The following TRPM3 variants were observed in gnomAD, a reference collection of about 807,000 sequenced individuals.
The protein encoded by TRPM3 is transient receptor potential cation channel subfamily M member 3.
In TRPM3, 77 loss-of-function variants were observed where a neutral mutation model predicts 181.2. That is an observed-to-expected ratio of 0.42 (90% CI 0.35 to 0.51). The LOEUF (loss-of-function observed/expected upper bound fraction) is 0.51, where lower values mean the gene tolerates loss of function less well. Ranked by LOEUF, TRPM3 falls within the 20% of genes least tolerant of loss-of-function variation. The pLI, the probability that TRPM3 is intolerant of heterozygous loss-of-function variation, is 0.01. For missense variants in TRPM3, 1,759 were observed against 2,196.7 expected (o/e 0.80, Z 3.98); for synonymous variants, 745 against 796.4 (o/e 0.94, Z 1.09).
rs564568854 is a variant in TRPM3 at position 71,186,143 on chromosome 9, T to C, written c.183+260510A>G. 1.6e-4 allele frequency among the ~76,000 whole-genome samples: 24 copies of C among 152,106 alleles called. 1 individual carries two copies. In the South Asian group the frequency reaches 3.1e-3, roughly 20 times the overall value. Reference sequence around the variant, plus strand: ...CTCTCAACCTTCACAGGACCATCTTTTTATAAGGATGCCAATCAGATTAGA... The same window carrying C: ...CTCTCAACCTTCACAGGACCATCTTCTTATAAGGATGCCAATCAGATTAGA... On this transcript the variant is annotated intron_variant, in intron 1 of 24. Transcript: ENST00000357533.
intron 7 of TRPM3, among the ~76,000 whole-genome samples, chr9:70,778,295 G>C (rs1210698980): frequency 6.6e-6 from 1 of 152,106 alleles, no homozygotes; most frequent in Admixed American, 6.6e-5. Context: ...TACCCTCTGT[G>C]CTCTTGTGAC....
chr9:71,002,442 T>C (rs2097616468), intron 1 of TRPM3, among the ~76,000 whole-genome samples: 1 of 152,246 alleles, frequency 6.6e-6, no homozygotes, highest in South Asian at 2.1e-4. Flanking sequence ...CTGAGAGTTC[T>C]CAGAAGAAAT....
intron 1 of TRPM3, among the ~76,000 whole-genome samples, chr9:71,010,631 T>C (rs1160465267): frequency 6.6e-6 from 1 of 151,896 alleles, no homozygotes; most frequent in African/African-American, 2.4e-5. Context: ...TAATAACAAA[T>C]GCTAGGGAGA....
intron 5 of TRPM3, among the ~76,000 whole-genome samples, chr9:70,838,245 C>T (rs1383360996): frequency 6.6e-6 from 1 of 152,086 alleles, no homozygotes; most frequent in Non-Finnish European, 1.5e-5. Flanking sequence ...GTACAATGGA[C>T]TGAATGTTTA....
At chr9:70,592,662 A>G (rs1261525106) in intron 21 of TRPM3, among the ~76,000 whole-genome samples, 2 of 152,244 alleles carry the variant, frequency 1.3e-5, no homozygotes, top group African/African-American at 4.8e-5. Context: ...CATCCACAAA[A>G]AAAAGCCTAA....
At chr9:70,872,328 A>T (rs2095802482) in intron 1 of TRPM3, among the ~76,000 whole-genome samples, 1 of 151,896 alleles carries the variant, frequency 6.6e-6, no homozygotes, top group Non-Finnish European at 1.5e-5. Flanking sequence ...AGCAGGAAGG[A>T]GTAGTAGTGG....
At chr9:70,809,965 C>T (rs753581602) in intron 6 of TRPM3, 11 of 534,476 alleles carry the variant, frequency 2.1e-5, no homozygotes, top group African/African-American at 1.7e-4. Context: ...GTGCAATGAT[C>T]AAAAAAGATG....
At chr9:70,559,296 G>C (rs1037958020) in intron 22 of TRPM3, among the ~76,000 whole-genome samples, 2 of 152,180 alleles carry the variant, frequency 1.3e-5, no homozygotes, top group African/African-American at 4.8e-5. Flanking sequence ...GTGAGTTACA[G>C]CTCCTCTATT....
At chr9:71,401,847 G>A (rs764675349) in intron 1 of TRPM3, among the ~76,000 whole-genome samples, 17 of 152,108 alleles carry the variant, frequency 1.1e-4, no homozygotes, top group Non-Finnish European at 1.8e-4. Flanking sequence ...ATTTGACTAC[G>A]GACTACTCAA....
At chr9:70,868,249 T>C (rs545743262) in intron 1 of TRPM3, among the ~76,000 whole-genome samples, 2 of 152,120 alleles carry the variant, frequency 1.3e-5, no homozygotes, top group Admixed American at 6.6e-5. Flanking sequence ...TTATCAGTCA[T>C]GTGTGATGTG....
chr9:71,005,075 C>G (rs778617267), intron 1 of TRPM3, among the ~76,000 whole-genome samples: 18 of 152,054 alleles, frequency 1.2e-4, no homozygotes, highest in Non-Finnish European at 2.2e-4. Flanking sequence ...AAAATAATGG[C>G]TGAAAATTCA....
chr9:71,039,062 A>G (rs1276555297), intron 1 of TRPM3, among the ~76,000 whole-genome samples: 1 of 152,198 alleles, frequency 6.6e-6, no homozygotes, highest in Non-Finnish European at 1.5e-5. Flanking sequence ...GTATCTTGCT[A>G]AGACAATGTT....
At position 71,162,823 on chromosome 9, in the gene TRPM3, T is replaced by A. The variant is rs183872498; in HGVS notation, c.183+283830A>T. ...GTAAACAGATTATTCCAGAAAAGTA[T>A]GGTAAGCATTAAGGTAGAGATGTGC... On this transcript the variant is annotated intron_variant, in intron 1 of 24. Transcript: ENST00000357533. 1.1e-3 allele frequency among the ~76,000 whole-genome samples: 173 copies of A among 152,248 alleles called. 1 individual carries two copies. The highest frequency in any genetic ancestry group is 9.9e-3 in the Admixed American group (151 of 15,284).
At chr9:70,995,889 A>G (rs2097537284) in intron 1 of TRPM3, among the ~76,000 whole-genome samples, 1 of 152,204 alleles carries the variant, frequency 6.6e-6, no homozygotes, top group Non-Finnish European at 1.5e-5. Context: ...CATTTCTGAC[A>G]ATTCTAGAAA....
intron 6 of TRPM3, among the ~76,000 whole-genome samples, chr9:70,792,661 C>CAGAG (rs9314786): frequency 0.25 from 36,455 of 146,876 alleles, 5,028 homozygotes; most frequent in Admixed American, 0.32. Context: ...GACAGAAAGA[C>CAGAG]AGAGAGAGAG....
chr9:71,201,427 C>T (rs995216636), intron 1 of TRPM3, among the ~76,000 whole-genome samples: 1 of 152,194 alleles, frequency 6.6e-6, no homozygotes, highest in African/African-American at 2.4e-5. Flanking sequence ...GCCTACCTTG[C>T]TAGATCGGGG....
At chr9:71,047,446 C>G (rs2059569839) in intron 1 of TRPM3, among the ~76,000 whole-genome samples, 1 of 152,050 alleles carries the variant, frequency 6.6e-6, no homozygotes, top group South Asian at 2.1e-4. Context: ...AAGTATTTTA[C>G]TTGAATGTCC....
chr9:70,937,801 T>G (rs2096843631), intron 1 of TRPM3, among the ~76,000 whole-genome samples: 1 of 150,622 alleles, frequency 6.6e-6, no homozygotes, highest in Non-Finnish European at 1.5e-5. Flanking sequence ...CTCATAGTCC[T>G]GTGTGATTCC....
intron 25 of TRPM3, among the ~76,000 whole-genome samples, chr9:70,545,544 C>CTTTT: frequency 3.8e-5 from 1 of 26,128 alleles, no homozygotes; most frequent in African/African-American, 1.4e-4. Flanking sequence ...TTTTAATTTT[C>CTTTT]TTTCTTTTTT....
Sources: allele counts gnomAD v4.1 joint callset (sites outside exome capture counted in the v4.1 genomes callset), GRCh38; gene constraint gnomAD v4.1.1; transcripts MANE v1.5; gene names NCBI Gene and HGNC (gene_info 2026-07-23, HGNC 2026-07-21).